MYRFL: variants seen among roughly 807,000 people sequenced by gnomAD.
The protein encoded by MYRFL is myelin regulatory factor-like protein.
A neutral mutation model predicts 109.4 loss-of-function variants in MYRFL; 88 were observed. That is an observed-to-expected ratio of 0.80 (90% CI 0.68 to 0.96). The LOEUF (loss-of-function observed/expected upper bound fraction) is 0.96, where lower values mean the gene tolerates loss of function less well. Ranked by LOEUF, MYRFL falls within the 40% of genes least tolerant of loss-of-function variation. MYRFL has a pLI of 0.00. For synonymous variants in MYRFL, 324 were observed against 320.9 expected, an observed-to-expected ratio of 1.01 and a Z score of -0.10; for missense variants, 957 against 954.9, an observed-to-expected ratio of 1.00 and a Z score of -0.03.
intron 1 of MYRFL, among the ~76,000 whole-genome samples, chr12:69,827,548 G>A (rs961079028): frequency 3.9e-5 from 6 of 151,944 alleles, no homozygotes; most frequent in South Asian, 2.1e-4. Flanking sequence ...AAACTCAGAC[G>A]CCATGTGAGA....
chr12:69,855,346 G>A lies in MYRFL; in HGVS notation c.113G>A (p.Gly38Asp). The A allele has an allele frequency of 1.4e-6, 1 of 702,642 alleles. No individual in the cohort carries two copies. The highest frequency in any genetic ancestry group is 2.7e-5 in the East Asian group (1 of 37,280). 43.5% of individuals were successfully genotyped at this position (702,642 alleles called of 1,614,324 possible). A position where few individuals can be genotyped will look rare whatever the true frequency, so the allele number is the denominator to read the frequency against. Reference protein sequence around the residue: ...LDTSLLEEFLGNDFDLGALQR... With the variant: ...LDTSLLEEFLDNDFDLGALQR... Reference sequence around the variant, plus strand: ...ACAAGTCTGTTGGAGGAATTTCTGGGCAATGACTTTGATTTGGGGGCCTTG... The same window carrying A: ...ACAAGTCTGTTGGAGGAATTTCTGGACAATGACTTTGATTTGGGGGCCTTG... The change falls in exon 2 of 25, where the codon GGC becomes GAC. Residue 38 changes from glycine to aspartate, a missense_variant. Physicochemically the swap from Gly to Asp is moderately conservative, Grantham distance 94. Transcript: ENST00000552032.
At chr12:69,909,722 C>T (rs1235499717) in intron 11 of MYRFL, among the ~76,000 whole-genome samples, 3 of 152,112 alleles carry the variant, frequency 2.0e-5, no homozygotes, top group Non-Finnish European at 2.9e-5. Flanking sequence ...GATGTGAGAG[C>T]AGTGATTGCA....
At position 69,936,078 on chromosome 12, in the gene MYRFL, G is replaced by GTTTTTT. The variant is rs71098067; in HGVS notation, c.1917-11_1917-6dup. On this transcript the variant is annotated intron_variant, in intron 16 of 24. Transcript: ENST00000552032. The stretch of plus-strand genomic sequence containing the variant: ...TCTGGAAACAAATCTGCCACATAAT[G>GTTTTTT]TTTTTTTTTTTTTTTTTTTTTTTTT... 2.3e-4 allele frequency: 207 copies of GTTTTTT among 893,902 alleles called. 15 individuals are homozygous for GTTTTTT. Among genetic ancestry groups the GTTTTTT allele is most frequent in the Admixed American group, 1.2e-3 (24 of 19,570 alleles). 55.4% of individuals were successfully genotyped at this position (893,902 alleles called of 1,614,324 possible). A position where few individuals can be genotyped will look rare whatever the true frequency, so the allele number is the denominator to read the frequency against.
chr12:69,842,451 C>T (rs548158802), intron 1 of MYRFL, among the ~76,000 whole-genome samples: 30 of 135,796 alleles, frequency 2.2e-4, no homozygotes, highest in African/African-American at 5.9e-4. Flanking sequence ...ATTCTACATC[C>T]TGTTCTGGAT....
chr12:69,926,927 T>G (rs1955104243), intron 14 of MYRFL, among the ~76,000 whole-genome samples, 193 bp downstream of exon 14: 1 of 138,486 alleles, frequency 7.2e-6, no homozygotes, highest in Non-Finnish European at 1.5e-5. Context: ...TTTTTTTCTG[T>G]TGCTGGTTTT....
intron 2 of MYRFL, among the ~76,000 whole-genome samples, chr12:69,877,312 C>T (rs1885750933): frequency 6.6e-6 from 1 of 152,168 alleles, no homozygotes; most frequent in African/African-American, 2.4e-5. Flanking sequence ...CATGAGCCAC[C>T]GCGCCAGGCC....
chr12:69,950,761 GTTAT>G (rs1302776514), intron 19 of MYRFL, among the ~76,000 whole-genome samples: 2 of 152,068 alleles, frequency 1.3e-5, no homozygotes, highest in Non-Finnish European at 2.9e-5. Context: ...AGATTCCTTG[GTTAT>G]TTATTTCTTT....
At chr12:69,956,199 A>C (rs1956091445) in intron 22 of MYRFL, among the ~76,000 whole-genome samples, 2 of 151,936 alleles carry the variant, frequency 1.3e-5, no homozygotes, top group Non-Finnish European at 2.9e-5. Context: ...AAAAAAAAAA[A>C]AAAACACATT....
chr12:69,859,457 T>C (rs540268007), intron 2 of MYRFL, among the ~76,000 whole-genome samples: 4 of 152,324 alleles, frequency 2.6e-5, no homozygotes, highest in Admixed American at 2.6e-4. Context: ...TCAAGTGTGA[T>C]TGTGGATGTT....
intron 22 of MYRFL, 151 bp from the exon 23 acceptor site, chr12:69,957,671 C>T (rs1038409322): frequency 2.8e-5 from 24 of 847,546 alleles, no homozygotes; most frequent in Non-Finnish European, 3.8e-5. Flanking sequence ...CTATTGGCAT[C>T]GGTGAGCTTT....
At chr12:69,955,948 C>A (rs1173297476) in intron 22 of MYRFL, among the ~76,000 whole-genome samples, 1 of 151,864 alleles carries the variant, frequency 6.6e-6, no homozygotes, top group Non-Finnish European at 1.5e-5. Context: ...CACTTATCTT[C>A]TTTGAGCTAC....
intron 19 of MYRFL, among the ~76,000 whole-genome samples, chr12:69,938,832 G>A (rs1029865603): frequency 3.9e-5 from 6 of 152,132 alleles, no homozygotes; most frequent in Non-Finnish European, 8.8e-5. Context: ...GTCAGTGGGT[G>A]CGCGCACCGT....
At chr12:69,864,019 A>C (rs533472051) in intron 2 of MYRFL, among the ~76,000 whole-genome samples, 1 of 152,162 alleles carries the variant, frequency 6.6e-6, no homozygotes, top group Non-Finnish European at 1.5e-5. Flanking sequence ...ATAAACAGCT[A>C]TTTGAATCAT....
chr12:69,941,725 A>C (rs1031036855), intron 19 of MYRFL, among the ~76,000 whole-genome samples: 5 of 148,476 alleles, frequency 3.4e-5, no homozygotes, highest in Non-Finnish European at 7.5e-5. Flanking sequence ...AAAACCCTTC[A>C]AAAAATTAAT....
At chr12:69,890,788 G>T (rs922082911) in intron 6 of MYRFL, among the ~76,000 whole-genome samples, 183 bp from the exon 7 acceptor site, 1 of 152,190 alleles carries the variant, frequency 6.6e-6, no homozygotes, top group African/African-American at 2.4e-5. Context: ...GAAACAGCCA[G>T]CTGTGTTTTG....
chr12:69,927,837 CTTTG>C, intron 15 of MYRFL, 89 bp downstream of exon 15: 1 of 1,218,552 alleles, frequency 8.2e-7, no homozygotes, highest in Non-Finnish European at 1.1e-6. Context: ...TTTCTCATTT[CTTTG>C]TTCAGAAAAT....
At chr12:69,896,238 T>A (rs74101374) in intron 9 of MYRFL, among the ~76,000 whole-genome samples, 7,272 of 152,228 alleles carry the variant, frequency 0.048, 639 homozygotes, top group African/African-American at 0.17. Context: ...TCCAATGAAG[T>A]TGTTTTGGTG....
intron 5 of MYRFL, among the ~76,000 whole-genome samples, chr12:69,885,344 A>G (rs1451710851): frequency 6.6e-6 from 1 of 152,192 alleles, no homozygotes; most frequent in Non-Finnish European, 1.5e-5. Context: ...TTGGTATGAA[A>G]AGCAACTTGA....
intron 1 of MYRFL, among the ~76,000 whole-genome samples, chr12:69,853,967 T>C (rs964252756): frequency 1.3e-5 from 2 of 152,146 alleles, no homozygotes; most frequent in African/African-American, 4.8e-5. Flanking sequence ...GAGGCTGCAA[T>C]CTCGGCACTT....
Sources: allele counts gnomAD v4.1 joint callset (sites outside exome capture counted in the v4.1 genomes callset), GRCh38; gene constraint gnomAD v4.1.1; transcripts MANE v1.5; gene names NCBI Gene and HGNC (gene_info 2026-07-23, HGNC 2026-07-21).